KLF12: variants seen among roughly 807,000 people sequenced by gnomAD.
KLF12 encodes the protein KLF transcription factor 12, also known as Krueppel-like factor 12.
A neutral mutation model predicts 37.8 loss-of-function variants in KLF12; 9 were observed. That is an observed-to-expected ratio of 0.24 (90% CI 0.14 to 0.42). The LOEUF (loss-of-function observed/expected upper bound fraction) is 0.42, where lower values mean the gene tolerates loss of function less well. Among genes scored for constraint, KLF12 ranks in the 10% least tolerant of loss-of-function variants. The probability of loss-of-function intolerance (pLI) is 1.00; values close to 1 mark genes in which losing one functional copy is unlikely to be tolerated. For missense variants in KLF12, 411 were observed against 516.0 expected (o/e 0.80, Z 1.97); for synonymous variants, 208 against 202.1 (o/e 1.03, Z -0.25).
intron 6 of KLF12, among the ~76,000 whole-genome samples, chr13:73,722,722 G>A (rs752853217): frequency 2.0e-5 from 3 of 152,188 alleles, no homozygotes; most frequent in Admixed American, 1.3e-4. Flanking sequence ...AGAGAAATAC[G>A]TTTGCTAAAA....
chr13:74,025,533 A>AC (rs983061344), intron 1 of KLF12, among the ~76,000 whole-genome samples: 2 of 151,838 alleles, frequency 1.3e-5, no homozygotes, highest in Non-Finnish European at 2.9e-5. Flanking sequence ...AGTGAGTTAC[A>AC]CATGTTGGAC....
intron 5 of KLF12, among the ~76,000 whole-genome samples, chr13:73,779,240 A>G (rs1003106036): frequency 2.6e-5 from 4 of 152,286 alleles, no homozygotes; most frequent in Admixed American, 1.3e-4. Context: ...CATATGGCAG[A>G]ACCCCCTAGA....
intron 1 of KLF12, among the ~76,000 whole-genome samples, chr13:74,060,502 G>GTGTGTGTGTGTC (rs1555336673): frequency 3.7e-4 from 55 of 150,204 alleles, no homozygotes; most frequent in East Asian, 9.7e-4. Flanking sequence ...GTGTGTGTGT[G>GTGTGTGTGTGTC]TGTGTGTGTG....
intron 1 of KLF12, among the ~76,000 whole-genome samples, chr13:74,013,615 G>A (rs1382749877): frequency 2.6e-5 from 4 of 151,928 alleles, no homozygotes; most frequent in Non-Finnish European, 4.4e-5. Context: ...AATATCTAGG[G>A]GGGCAAAGAA....
chr13:74,233,068 A>T, the KLF12 span, among the ~76,000 whole-genome samples: 1 of 152,074 alleles, frequency 6.6e-6, no homozygotes, highest in Non-Finnish European at 1.5e-5. Context: ...TGTATTTTGT[A>T]GAGACAGGAT....
At chr13:73,923,638 C>T (rs1454340591) in intron 3 of KLF12, among the ~76,000 whole-genome samples, 1 of 152,106 alleles carries the variant, frequency 6.6e-6, no homozygotes, top group African/African-American at 2.4e-5. Context: ...AAATCACAGT[C>T]CCCAGAAGCC....
intron 1 of KLF12, among the ~76,000 whole-genome samples, chr13:74,041,939 A>G (rs1893416008): frequency 6.6e-6 from 1 of 152,308 alleles, no homozygotes; most frequent in African/African-American, 2.4e-5. Flanking sequence ...TAAGTGCTAA[A>G]TAAGTGCTAT....
At chr13:74,094,275 A>T (rs1875848678) in intron 1 of KLF12, among the ~76,000 whole-genome samples, 1 of 152,220 alleles carries the variant, frequency 6.6e-6, no homozygotes, top group South Asian at 2.1e-4. Flanking sequence ...GTTTTTATTA[A>T]TAATAACTAT....
the KLF12 span, among the ~76,000 whole-genome samples, chr13:74,287,223 T>C: frequency 6.6e-6 from 1 of 152,084 alleles, no homozygotes; most frequent in East Asian, 1.9e-4. Flanking sequence ...GCAGCCCGTC[T>C]GCTCATTGCT....
chr13:73,831,359 T>A (rs934660690), intron 4 of KLF12, among the ~76,000 whole-genome samples: 1 of 152,114 alleles, frequency 6.6e-6, no homozygotes, highest in Non-Finnish European at 1.5e-5. Context: ...TTGGTTATTG[T>A]CAGGCTTAAA....
At chr13:74,305,563 TA>T in the KLF12 span, among the ~76,000 whole-genome samples, 3 of 152,098 alleles carry the variant, frequency 2.0e-5, no homozygotes, top group South Asian at 2.1e-4. Flanking sequence ...TCTCTATTTA[TA>T]AAAAACATTG....
the KLF12 span, among the ~76,000 whole-genome samples, chr13:74,283,016 G>C: frequency 6.6e-6 from 1 of 152,084 alleles, no homozygotes; most frequent in Non-Finnish European, 1.5e-5. Context: ...ATGACATATT[G>C]TAATGATGTA....
intron 1 of KLF12, among the ~76,000 whole-genome samples, chr13:74,104,952 C>T (rs147050983): frequency 3.0e-4 from 45 of 152,134 alleles, no homozygotes; most frequent in African/African-American, 1.1e-3. Context: ...TTTTTACCCA[C>T]CTATATTAAC....
chr13:74,067,749 G>A (rs1028632626), intron 1 of KLF12, among the ~76,000 whole-genome samples: 1 of 152,158 alleles, frequency 6.6e-6, no homozygotes, highest in African/African-American at 2.4e-5. Flanking sequence ...ATAAATGACA[G>A]AGAAACAGAT....
intron 3 of KLF12, among the ~76,000 whole-genome samples, chr13:73,936,162 T>C (rs552052512): frequency 6.6e-6 from 1 of 152,350 alleles, no homozygotes; most frequent in Non-Finnish European, 1.5e-5. Flanking sequence ...GTACATCTGG[T>C]AATTTTGATC....
At chr13:73,999,035 A>G (rs986293746) in intron 1 of KLF12, among the ~76,000 whole-genome samples, 3 of 151,540 alleles carry the variant, frequency 2.0e-5, no homozygotes, top group African/African-American at 4.9e-5. Context: ...ATAATTCTCT[A>G]CAGAGAAGCA....
At chr13:73,948,482 G>T (rs1404747502) in intron 2 of KLF12, among the ~76,000 whole-genome samples, 1 of 152,178 alleles carries the variant, frequency 6.6e-6, no homozygotes. Flanking sequence ...GCCTCCCAAA[G>T]TGCTGGGAAT....
At chr13:74,112,892 A>T (rs1192254777) in intron 1 of KLF12, among the ~76,000 whole-genome samples, 1 of 152,214 alleles carries the variant, frequency 6.6e-6, no homozygotes, top group African/African-American at 2.4e-5. Context: ...CAAAGAGCCA[A>T]GTTGTGAATG....
chr13:73,700,191 C>T (rs1434369345), intron 7 of KLF12, among the ~76,000 whole-genome samples: 1 of 151,870 alleles, frequency 6.6e-6, no homozygotes, highest in Admixed American at 6.6e-5. Flanking sequence ...CACTTGAACC[C>T]AGGAGGTGGA....
Sources: gnomAD v4.1 joint callset for allele counts (sites outside exome capture counted in the v4.1 genomes callset) on GRCh38, gnomAD v4.1.1 for gene constraint, MANE v1.5 for transcripts, NCBI Gene and HGNC (gene_info 2026-07-23, HGNC 2026-07-21) for gene names.